CIAPIN1: variants seen among roughly 807,000 people sequenced by gnomAD.
CIAPIN1 encodes the protein cytokine induced apoptosis inhibitor 1.
A neutral mutation model predicts 34.3 loss-of-function variants in CIAPIN1; 18 were observed. The ratio of observed to expected loss-of-function variants is 0.52; its 90% CI spans 0.36 to 0.78. CIAPIN1 has a LOEUF of 0.78. Among genes scored for constraint, CIAPIN1 ranks in the 30% least tolerant of loss-of-function variants. The pLI is 0.00. For synonymous variants in CIAPIN1, 131 were observed against 140.4 expected (o/e 0.93, Z 0.47); for missense variants, 310 against 372.5 (o/e 0.83, Z 1.38).
intron 8 of CIAPIN1, among the ~76,000 whole-genome samples, chr16:57,429,810 G>A (rs1903045682): frequency 7.0e-6 from 1 of 143,052 alleles, no homozygotes; most frequent in Non-Finnish European, 1.5e-5. Flanking sequence ...TTTTTGAGAT[G>A]GAGTCTCCCT....
chr16:57,430,953 C>T (rs1453650253), intron 7 of CIAPIN1, among the ~76,000 whole-genome samples, 198 bp downstream of exon 7: 1 of 151,872 alleles, frequency 6.6e-6, no homozygotes, highest in Non-Finnish European at 1.5e-5. Flanking sequence ...CTGCCTTTGC[C>T]TCCCAAGTAG....
At chr16:57,431,998 G>A (rs1238707941) in intron 6 of CIAPIN1, among the ~76,000 whole-genome samples, 1 of 152,214 alleles carries the variant, frequency 6.6e-6, no homozygotes, top group Non-Finnish European at 1.5e-5. Flanking sequence ...TGGGGAAAAA[G>A]AGATGCTAAA....
chr16:57,439,157 G>C (rs777883164), intron 3 of CIAPIN1, 25 bp downstream of exon 3: 4 of 1,612,002 alleles, frequency 2.5e-6, no homozygotes, highest in Non-Finnish European at 8.5e-7. Context: ...TGTCAAACAT[G>C]TTTTCCAAGT....
chr16:57,433,236 T>C (rs1041156443), intron 5 of CIAPIN1, among the ~76,000 whole-genome samples: 4 of 152,248 alleles, frequency 2.6e-5, no homozygotes, highest in Non-Finnish European at 2.9e-5. Flanking sequence ...TCGGATGCAG[T>C]GTGGGCAAAT....
chr16:57,434,387 T>C (rs921498652), intron 4 of CIAPIN1, among the ~76,000 whole-genome samples, 175 bp from the exon 5 acceptor site: 8 of 152,178 alleles, frequency 5.3e-5, no homozygotes, highest in Non-Finnish European at 1.2e-4. Context: ...AACCCTAGAG[T>C]ATAACCTTTG....
Position 57,428,953 on chromosome 16 carries a change from T to G in CIAPIN1, c.*217A>C, listed in dbSNP as rs1464778629. ...CATGAGGTGAAGAAACCCATCCCATTCTGAAACCAGGTCCCATAATACCTT... is the reference window on the plus strand; with the variant it reads ...CATGAGGTGAAGAAACCCATCCCATGCTGAAACCAGGTCCCATAATACCTT... On this transcript the variant is annotated 3_prime_UTR_variant, in exon 9 of 9. Transcript: ENST00000394391. The G allele has an allele frequency of 2.3e-3, 1,143 of 502,946 alleles. 2 individuals carry two copies. The highest frequency in any genetic ancestry group is 3.4e-3 in the Non-Finnish European group (949 of 280,624). The allele number at this position is 502,946 out of a possible 1,614,324, so 31.2% of individuals were successfully genotyped here.
chr16:57,431,180 T>C lies in CIAPIN1; in HGVS notation c.717A>G (p.Glu239=), dbSNP rs1304711826. ...TCTTACAGGCCTTCCTCTTTTTCCCTTCCCCACAAGAAGCAGCCCGCAGGG... is the reference window on the plus strand; with the variant it reads ...TCTTACAGGCCTTCCTCTTTTTCCCCTCCCCACAAGAAGCAGCCCGCAGGG... ...PASLRAASCG[E]GKKRKACKNC... is the part of the protein sequence containing the mutation. The change falls in exon 7 of 9, where the codon GAA becomes GAG. Residue 239 remains glutamate, a synonymous_variant. Transcript: ENST00000394391. The C allele has an allele frequency of 1.2e-6, 2 of 1,613,432 alleles. No homozygotes were observed. The highest frequency in any genetic ancestry group is 1.7e-6 in the Non-Finnish European group (2 of 1,179,650).
intron 8 of CIAPIN1, among the ~76,000 whole-genome samples, chr16:57,429,946 T>C (rs1196895345): frequency 6.6e-6 from 1 of 152,114 alleles, no homozygotes; most frequent in African/African-American, 2.4e-5. Flanking sequence ...CGCCCGGCCA[T>C]AGTTCTATAT....
chr16:57,440,253 C>G (rs117804334), intron 2 of CIAPIN1, among the ~76,000 whole-genome samples: 2,841 of 152,256 alleles, frequency 0.019, 31 homozygotes, highest in South Asian at 0.031. Flanking sequence ...GCTTTCAAAC[C>G]CTGTCTCCTG....
At chr16:57,445,887 C>T (rs147614167) in intron 1 of CIAPIN1, among the ~76,000 whole-genome samples, 107 of 123,226 alleles carry the variant, frequency 8.7e-4, no homozygotes, top group African/African-American at 3.1e-3. Flanking sequence ...GCTCTGTTGC[C>T]CAGGCTGGAG....
rs1168094837 is a variant in CIAPIN1, at chr16:57,428,387, CTTCTAAAGTGGGCAGACAAGCCCTA to C, written c.*758_*782del. ...CTCTAAATGCTCACCAACCTGGACT[CTTCTAAAGTGGGCAGACAAGCCCTA>C]TTCTAAGCGTAGGAATAGCCCCATT... is the stretch of plus-strand genomic sequence containing the variant. On this transcript the variant is annotated 3_prime_UTR_variant, in exon 9 of 9. Coordinates refer to ENST00000394391, the MANE Select transcript of CIAPIN1 (RefSeq NM_020313.4). 6.6e-6 allele frequency: 1 copy of C among 152,200 alleles called. No homozygotes were observed. The highest frequency in any genetic ancestry group is 1.5e-5 in the Non-Finnish European group (1 of 68,052). The allele number at this position is 152,200 out of a possible 1,614,324, so 9.4% of individuals were successfully genotyped here. A position where few individuals can be genotyped will look rare whatever the true frequency, so the allele number is the denominator to read the frequency against.
In CIAPIN1 at chr16:57,439,794, T is replaced by C. The variant is rs573744674; in HGVS notation, c.158-460A>G. On this transcript the variant is annotated intron_variant, in intron 2 of 8. Coordinates refer to ENST00000394391, the MANE Select transcript of CIAPIN1 (RefSeq NM_020313.4). ...GCCTGTCTTTACTTTAATCTCTTAA[T>C]CCCGTCATCTTCATAAGCTGAGGAT... Among the ~76,000 whole-genome samples, 11 of 152,352 alleles carry C rather than the reference T, an allele frequency of 7.2e-5. No homozygotes were observed. In the East Asian group the frequency reaches 2.1e-3, roughly 29 times the overall value.
intron 7 of CIAPIN1, 90 bp from the exon 8 acceptor site, chr16:57,430,429 T>A: frequency 8.4e-7 from 1 of 1,190,726 alleles, no homozygotes; most frequent in South Asian, 1.2e-5. Flanking sequence ...TTAAGCCTTT[T>A]CTCTTCACAC....
At chr16:57,438,996 T>A (rs1460618610) in intron 3 of CIAPIN1, among the ~76,000 whole-genome samples, 186 bp downstream of exon 3, 1 of 152,202 alleles carries the variant, frequency 6.6e-6, no homozygotes, top group East Asian at 1.9e-4. Context: ...ACATAATGAG[T>A]CAGCCAAAGA....
At chr16:57,443,510 T>C (rs2029930786) in intron 1 of CIAPIN1, among the ~76,000 whole-genome samples, 1 of 152,212 alleles carries the variant, frequency 6.6e-6, no homozygotes, top group South Asian at 2.1e-4. Context: ...CAGGCTGGAA[T>C]GCAGTGGCAC....
intron 1 of CIAPIN1, 23 bp from the exon 2 acceptor site, chr16:57,441,006 T>G: frequency 6.9e-7 from 1 of 1,455,108 alleles, no homozygotes; most frequent in Non-Finnish European, 9.4e-7. Flanking sequence ...AAAGTGCAAT[T>G]TAATCTGTGA....
At chr16:57,437,442 A>T (rs1388976037) in intron 3 of CIAPIN1, among the ~76,000 whole-genome samples, 2 of 152,048 alleles carry the variant, frequency 1.3e-5, no homozygotes, top group Admixed American at 1.3e-4. Context: ...TTTTCATCTT[A>T]ATAGTATTTA....
chr16:57,436,832 T>C (rs1003723352), intron 3 of CIAPIN1, 100 bp from the exon 4 acceptor site: 3 of 859,416 alleles, frequency 3.5e-6, no homozygotes, highest in East Asian at 3.1e-5. Flanking sequence ...CAAACAATAA[T>C]AACCAGGTGG....
intron 8 of CIAPIN1, 139 bp downstream of exon 8, chr16:57,430,119 C>T: frequency 1.4e-6 from 1 of 707,850 alleles, no homozygotes; most frequent in South Asian, 1.7e-5. Flanking sequence ...CCTCTCTCCC[C>T]ATTACTACCT....
Sources: gnomAD v4.1 joint callset for allele counts (sites outside exome capture counted in the v4.1 genomes callset) on GRCh38, gnomAD v4.1.1 for gene constraint, MANE v1.5 for transcripts, NCBI Gene and HGNC (gene_info 2026-07-23, HGNC 2026-07-21) for gene names.